Variants in NXPH1 observed in about 807,000 individuals in gnomAD.
NXPH1 encodes neurexophilin-1.
Under a neutral mutation model 23.7 loss-of-function variants are expected in NXPH1, and 5 were observed. The observed-to-expected ratio is 0.21, with a 90% CI of 0.11 to 0.44. The LOEUF is 0.44. Ranked by LOEUF, NXPH1 falls within the 20% of genes least tolerant of loss-of-function variation. NXPH1 has a pLI of 0.99. For missense variants in NXPH1, 324 were observed against 321.6 expected (o/e 1.01, Z -0.06); for synonymous variants, 144 against 122.2 (o/e 1.18, Z -1.18).
chr7:8,459,146 T>G (rs978788032), intron 2 of NXPH1, among the ~76,000 whole-genome samples: 5 of 152,030 alleles, frequency 3.3e-5, no homozygotes, highest in Non-Finnish European at 7.4e-5. Flanking sequence ...GGGTTGTCTC[T>G]GTGGTCTAAT....
intron 2 of NXPH1, among the ~76,000 whole-genome samples, chr7:8,498,560 A>G (rs946698035): frequency 1.4e-4 from 21 of 152,208 alleles, no homozygotes; most frequent in African/African-American, 4.8e-4. Context: ...TGAAATCTCC[A>G]CTTGTGGAAA....
chr7:8,560,643 G>A (rs551677255), intron 2 of NXPH1, among the ~76,000 whole-genome samples: 2 of 151,742 alleles, frequency 1.3e-5, no homozygotes, highest in African/African-American at 4.8e-5. Context: ...GGGATGAGAC[G>A]TCTGGTTCTA....
intron 2 of NXPH1, among the ~76,000 whole-genome samples, chr7:8,461,698 C>T (rs1212336539): frequency 1.3e-5 from 2 of 150,656 alleles, no homozygotes; most frequent in East Asian, 2.0e-4. Flanking sequence ...GGCGCGGTGG[C>T]GGGCGCCTGT....
intron 2 of NXPH1, among the ~76,000 whole-genome samples, chr7:8,511,466 C>T (rs994223120): frequency 6.6e-6 from 1 of 152,128 alleles, no homozygotes; most frequent in Non-Finnish European, 1.5e-5. Context: ...ACCCTGCTCC[C>T]TCTCTCAGAT....
chr7:8,740,578 G>A (rs1229048126), intron 2 of NXPH1, among the ~76,000 whole-genome samples: 1 of 152,150 alleles, frequency 6.6e-6, no homozygotes, highest in Non-Finnish European at 1.5e-5. Context: ...CAGGCTCCTG[G>A]AGCCTACTGG....
Position 8,561,029 on chromosome 7 carries a change from C to A in NXPH1, c.54+125262C>A, listed in dbSNP as rs1342700315. Among the ~76,000 whole-genome samples, 3 of 151,642 alleles carry A rather than the reference C, an allele frequency of 2.0e-5. No individual in the cohort carries two copies. The East Asian group carries it at 5.9e-4, about 30-fold the overall frequency. ...TTAATGATCATAAGTACAACAGCAA[C>A]CCCTCTGCTTTTCAAGTAATGCAAT... is the stretch of plus-strand genomic sequence containing the variant. On this transcript the variant is annotated intron_variant, in intron 2 of 2. Transcript: ENST00000405863.
Position 8,682,267 on chromosome 7 carries a change from G to A in NXPH1, c.55-68741G>A, listed in dbSNP as rs546054207. On this transcript the variant is annotated intron_variant, in intron 2 of 2. Transcript: ENST00000405863. ...GAAATAGTAATTCTCAAACCTAGCC[G>A]TGCCTCAGAAGTTCTTTGGGATCAG... Among the ~76,000 whole-genome samples, 15 of 152,244 alleles carry A rather than the reference G, an allele frequency of 9.9e-5. 1 individual carries two copies. In the South Asian group the frequency reaches 1.4e-3, roughly 15 times the overall value.
At chr7:8,492,104 T>G (rs183003036) in intron 2 of NXPH1, among the ~76,000 whole-genome samples, 21 of 152,206 alleles carry the variant, frequency 1.4e-4, no homozygotes, top group African/African-American at 5.1e-4. Flanking sequence ...ATGTGGCCAT[T>G]GGAGCTGATC....
At chr7:8,705,997 C>T (rs764091606) in intron 2 of NXPH1, among the ~76,000 whole-genome samples, 2 of 152,178 alleles carry the variant, frequency 1.3e-5, no homozygotes, top group Non-Finnish European at 2.9e-5. Context: ...GTGCAAACTA[C>T]TCTTCTACAT....
At chr7:8,628,824 T>C (rs961405130) in intron 2 of NXPH1, among the ~76,000 whole-genome samples, 1 of 151,788 alleles carries the variant, frequency 6.6e-6, no homozygotes, top group African/African-American at 2.4e-5. Context: ...GAACAGACGG[T>C]GGTGCAGTTG....
At chr7:8,457,053 C>T (rs1023203473) in intron 2 of NXPH1, among the ~76,000 whole-genome samples, 6 of 152,136 alleles carry the variant, frequency 3.9e-5, no homozygotes, top group African/African-American at 1.4e-4. Flanking sequence ...AATATTTATG[C>T]TTGATACGAG....
intron 2 of NXPH1, among the ~76,000 whole-genome samples, chr7:8,474,752 T>C (rs1327882713): frequency 6.6e-6 from 1 of 152,170 alleles, no homozygotes; most frequent in East Asian, 1.9e-4. Flanking sequence ...CATCGAGGTC[T>C]ATACTTTTTC....
intron 2 of NXPH1, among the ~76,000 whole-genome samples, chr7:8,548,262 G>A (rs1818225368): frequency 6.6e-6 from 1 of 151,538 alleles, no homozygotes; most frequent in Non-Finnish European, 1.5e-5. Flanking sequence ...TCCTCAATGA[G>A]CACTACTCCT....
intron 2 of NXPH1, 117 bp from the exon 3 acceptor site, chr7:8,750,891 C>T: frequency 3.0e-6 from 3 of 1,014,750 alleles, no homozygotes; most frequent in Admixed American, 4.7e-5. Context: ...AGATGCGGTG[C>T]TTTTAAAAAA....
intron 2 of NXPH1, among the ~76,000 whole-genome samples, chr7:8,443,454 C>T (rs1382228508): frequency 6.6e-6 from 1 of 152,236 alleles, no homozygotes; most frequent in Non-Finnish European, 1.5e-5. Flanking sequence ...CCAACTTATT[C>T]GCAAGAGTAA....
chr7:8,502,700 G>A (rs1477910092), intron 2 of NXPH1, among the ~76,000 whole-genome samples: 8 of 151,584 alleles, frequency 5.3e-5, no homozygotes, highest in Non-Finnish European at 1.2e-4. Context: ...TAGGTCTCCT[G>A]TACCCAGGAT....
intron 2 of NXPH1, among the ~76,000 whole-genome samples, chr7:8,478,499 T>G (rs1157861252): frequency 6.6e-6 from 1 of 151,564 alleles, no homozygotes; most frequent in African/African-American, 2.4e-5. Flanking sequence ...CAAAAAGAAA[T>G]GAAGAAGTAA....
chr7:8,488,004 C>G (rs980814600), intron 2 of NXPH1, among the ~76,000 whole-genome samples: 1 of 152,128 alleles, frequency 6.6e-6, no homozygotes, highest in African/African-American at 2.4e-5. Context: ...TCAGTTGTAA[C>G]TTGGCAGGAT....
chr7:8,608,011 C>T (rs1356685725), intron 2 of NXPH1, among the ~76,000 whole-genome samples: 1 of 152,186 alleles, frequency 6.6e-6, no homozygotes, highest in African/African-American at 2.4e-5. Flanking sequence ...TGGTGGTGAC[C>T]ACCAGAAACT....
Sources: gnomAD v4.1 joint callset for allele counts (sites outside exome capture counted in the v4.1 genomes callset) on GRCh38, gnomAD v4.1.1 for gene constraint, MANE v1.5 for transcripts, NCBI Gene and HGNC (gene_info 2026-07-23, HGNC 2026-07-21) for gene names.